The following CACNB2 variants were observed in gnomAD, a reference collection of about 807,000 sequenced individuals.
The protein encoded by CACNB2 is calcium voltage-gated channel auxiliary subunit beta 2, also known as voltage-dependent L-type calcium channel subunit beta-2.
A neutral mutation model predicts 73.3 loss-of-function variants in CACNB2; 42 were observed. The observed-to-expected ratio is 0.57, with a 90% CI of 0.45 to 0.74. The LOEUF (loss-of-function observed/expected upper bound fraction) is 0.74. Among genes scored for constraint, CACNB2 ranks in the 30% least tolerant of loss-of-function variants. The probability of loss-of-function intolerance (pLI) is 0.00; values close to 1 mark genes in which losing one functional copy is unlikely to be tolerated. For missense variants in CACNB2, 940 were observed against 853.0 expected (o/e 1.10, Z -1.27); for synonymous variants, 348 against 310.3 (o/e 1.12, Z -1.28).
rs934618810 is a variant in CACNB2 at position 18,140,461 on chromosome 10, G to T, written c.-276G>T. The stretch of plus-strand genomic sequence containing the variant: ...CCGCTCTCCCGGCCCCGGCTGCCCC[G>T]CTGAGGGCTCCCCTCTCCCAGGCAC... On this transcript the variant is annotated 5_prime_UTR_variant, in exon 1 of 14. Coordinates refer to ENST00000324631, the MANE Select transcript of CACNB2 (RefSeq NM_201596.3). Among the ~76,000 whole-genome samples, 1 of 151,750 alleles carries T rather than the reference G, an allele frequency of 6.6e-6. No individual in the cohort carries two copies. The highest frequency in any genetic ancestry group is 2.4e-5 in the African/African-American group (1 of 41,368).
At chr10:18,202,870 C>T (rs1243456106) in intron 2 of CACNB2, among the ~76,000 whole-genome samples, 1 of 152,164 alleles carries the variant, frequency 6.6e-6, no homozygotes, top group Non-Finnish European at 1.5e-5. Context: ...TGCTGAAATT[C>T]CCTTTCTTGA....
At chr10:18,275,651 T>C (rs1479263894) in intron 2 of CACNB2, among the ~76,000 whole-genome samples, 1 of 152,140 alleles carries the variant, frequency 6.6e-6, no homozygotes, top group Non-Finnish European at 1.5e-5. Context: ...AAATTTATTT[T>C]TCTAAAAAAA....
At position 18,539,782 on chromosome 10, in the gene CACNB2, A is replaced by C; in HGVS notation, c.*58A>C. The C allele has an allele frequency of 6.6e-7, 1 of 1,526,506 alleles. No homozygotes were observed. 94.6% of individuals were successfully genotyped at this position (1,526,506 alleles called of 1,614,324 possible). ...TTTGAAGTCTTGTATAACTAACAGC[A>C]TCCCCAAAACAAAGTCTTTGGGGTC... is the stretch of plus-strand genomic sequence containing the variant. On this transcript the variant is annotated 3_prime_UTR_variant, in exon 14 of 14. Transcript: ENST00000324631.
chr10:18,382,657 G>T (rs1371285989), intron 2 of CACNB2, among the ~76,000 whole-genome samples: 30 of 152,122 alleles, frequency 2.0e-4, no homozygotes, highest in Non-Finnish European at 1.6e-4. Flanking sequence ...TTCTGTTCCT[G>T]TGTTAGTTTG....
chr10:18,293,540 A>G (rs905777866), intron 2 of CACNB2, among the ~76,000 whole-genome samples: 1 of 152,274 alleles, frequency 6.6e-6, no homozygotes, highest in Non-Finnish European at 1.5e-5. Flanking sequence ...AACTTGAAAC[A>G]TTAAGCTCAG....
At chr10:18,443,068 C>G in intron 3 of CACNB2, among the ~76,000 whole-genome samples, 1 of 144,750 alleles carries the variant, frequency 6.9e-6, no homozygotes, top group African/African-American at 2.5e-5. Flanking sequence ...TAATTTTCTG[C>G]AGTATGAAGG....
In CACNB2 at chr10:18,542,374, A is replaced by C. The variant is rs1382747957; in HGVS notation, c.*2650A>C. ...GGAAACCATATTCTAATTAAAATTGAATTTATAAAATATTTCTGATAAAAC... is the reference window on the plus strand; with the variant it reads ...GGAAACCATATTCTAATTAAAATTGCATTTATAAAATATTTCTGATAAAAC... On this transcript the variant is annotated 3_prime_UTR_variant, in exon 14 of 14. Transcript: ENST00000324631. The C allele has an allele frequency of 6.6e-6, 1 of 152,210 alleles. No homozygotes were observed. The highest frequency in any genetic ancestry group is 2.4e-5 in the African/African-American group (1 of 41,456). The allele number at this position is 152,210 out of a possible 1,614,324, so 9.4% of individuals were successfully genotyped here.
At chr10:18,450,626 C>CT (rs34566433) in intron 3 of CACNB2, among the ~76,000 whole-genome samples, 6,275 of 130,906 alleles carry the variant, frequency 0.048, 194 homozygotes, top group African/African-American at 0.063. Context: ...GCTTTTTTTT[C>CT]TTTTTTTTTT....
At chr10:18,272,287 G>A (rs2038086836) in intron 2 of CACNB2, among the ~76,000 whole-genome samples, 1 of 152,150 alleles carries the variant, frequency 6.6e-6, no homozygotes, top group South Asian at 2.1e-4. Flanking sequence ...GTAGTTAAGG[G>A]AGACAGGGCA....
chr10:18,473,417 T>C (rs965072058), intron 3 of CACNB2, among the ~76,000 whole-genome samples: 1 of 152,206 alleles, frequency 6.6e-6, no homozygotes, highest in African/African-American at 2.4e-5. Context: ...TTTTAAAAAA[T>C]ATTGCCAGGC....
chr10:18,160,550 T>C (rs187123479), intron 2 of CACNB2, among the ~76,000 whole-genome samples: 3 of 152,304 alleles, frequency 2.0e-5, no homozygotes, highest in South Asian at 2.1e-4. Flanking sequence ...TTATCTAATA[T>C]AAAGTAACTA....
rs1489491866 is a variant in CACNB2 at position 18,289,284 on chromosome 10, G to GTTTTTTT, written c.214-112639_214-112633dup. Among the ~76,000 whole-genome samples the GTTTTTTT allele has an allele frequency of 4.0e-3, 338 of 85,502 alleles. 69 individuals carry two copies. Among genetic ancestry groups the GTTTTTTT allele is most frequent in the African/African-American group, 0.014 (234 of 17,136 alleles). The allele number at this position is 85,502 out of a possible 152,430, so 56.1% of individuals were successfully genotyped here. On this transcript the variant is annotated intron_variant, in intron 2 of 13. Transcript: ENST00000324631. Reference sequence around the variant, plus strand: ...GAAGTTGTCTTCATTTTTTTTTCTTGTTTTTTTGTTTTGTTTTTTTTTTTT... The same window carrying GTTTTTTT: ...GAAGTTGTCTTCATTTTTTTTTCTTGTTTTTTTTTTTTTTGTTTTGTTTTTTTTTTTT...
In CACNB2 at chr10:18,153,282, G is replaced by A. The variant is rs182264562; in HGVS notation, c.213+2307G>A. Among the ~76,000 whole-genome samples, 17 of 152,180 alleles carry A rather than the reference G, an allele frequency of 1.1e-4. 1 individual carries two copies. The East Asian group carries it at 3.1e-3, about 28-fold the overall frequency. ...AGGTGTTTGCTATGGCATGGCTTTT[G>A]GGGTAATGATTACACAGGCGTATCA... is the stretch of plus-strand genomic sequence containing the variant. On this transcript the variant is annotated intron_variant, in intron 2 of 13. Transcript: ENST00000324631.
intron 11 of CACNB2, among the ~76,000 whole-genome samples, chr10:18,534,518 G>T (rs2053370414): frequency 6.6e-6 from 1 of 152,140 alleles, no homozygotes; most frequent in Non-Finnish European, 1.5e-5. Context: ...TCACTGTTTT[G>T]ATATTTGCAT....
At chr10:18,320,463 G>A (rs1293037951) in intron 2 of CACNB2, among the ~76,000 whole-genome samples, 1 of 152,130 alleles carries the variant, frequency 6.6e-6, no homozygotes, top group Non-Finnish European at 1.5e-5. Context: ...AAAAACTAGT[G>A]CTTAAAACAT....
At chr10:18,266,312 A>G (rs78399549) in intron 2 of CACNB2, among the ~76,000 whole-genome samples, 2,212 of 152,316 alleles carry the variant, frequency 0.015, 95 homozygotes, top group Admixed American at 0.086. Context: ...TTCAAGCTGA[A>G]ATTGACTCTT....
intron 2 of CACNB2, among the ~76,000 whole-genome samples, chr10:18,270,446 C>T (rs1275932689): frequency 2.0e-5 from 3 of 152,176 alleles, no homozygotes; most frequent in Non-Finnish European, 4.4e-5. Flanking sequence ...CACATTGGAA[C>T]TGCCATTGTG....
At chr10:18,142,831 G>A (rs2030558895) in intron 1 of CACNB2, among the ~76,000 whole-genome samples, 1 of 152,196 alleles carries the variant, frequency 6.6e-6, no homozygotes, top group Non-Finnish European at 1.5e-5. Context: ...GCAGCAATTA[G>A]GATATATGTA....
In CACNB2 at chr10:18,245,920, C is replaced by T. The variant is rs74117928; in HGVS notation, c.213+94945C>T. Among the ~76,000 whole-genome samples, 374 of 152,202 alleles carry T rather than the reference C, an allele frequency of 2.5e-3. 2 individuals carry two copies. Among genetic ancestry groups the T allele is most frequent in the African/African-American group, 8.8e-3 (365 of 41,518 alleles). ...TATTAATCAGGAGTTGGGAAGCAAT[C>T]GATGGGCATCAGTGGGTAGGTGCTG... On this transcript the variant is annotated intron_variant, in intron 2 of 13. Coordinates refer to ENST00000324631, the MANE Select transcript of CACNB2 (RefSeq NM_201596.3).
Sources: allele counts gnomAD v4.1 joint callset (sites outside exome capture counted in the v4.1 genomes callset), GRCh38; gene constraint gnomAD v4.1.1; transcripts MANE v1.5; gene names NCBI Gene and HGNC (gene_info 2026-07-23, HGNC 2026-07-21).